Variants in TAS2R1 observed in about 807,000 individuals in gnomAD.
TAS2R1 encodes the protein taste receptor type 2 member 1.
For missense variants in TAS2R1, 370 were observed against 353.4 expected (o/e 1.05, Z -0.38); for synonymous variants, 141 against 134.2 (o/e 1.05, Z -0.35).
the TAS2R1 span, among the ~76,000 whole-genome samples, chr5:9,846,828 C>T: frequency 6.6e-6 from 1 of 152,220 alleles, no homozygotes; most frequent in African/African-American, 2.4e-5. Flanking sequence ...ACCAAGCCCA[C>T]ACTTTTCTAA....
At chr5:9,812,169 T>C in the TAS2R1 span, among the ~76,000 whole-genome samples, 1 of 152,040 alleles carries the variant, frequency 6.6e-6, no homozygotes, top group Non-Finnish European at 1.5e-5. Context: ...CAATAACCCA[T>C]GAATTTCATG....
chr5:9,838,054 C>A, the TAS2R1 span, among the ~76,000 whole-genome samples: 1 of 152,206 alleles, frequency 6.6e-6, no homozygotes, highest in African/African-American at 2.4e-5. Context: ...GCATCTCTGT[C>A]AAGTCCATGG....
At chr5:9,798,130 A>G in the TAS2R1 span, among the ~76,000 whole-genome samples, 1 of 152,208 alleles carries the variant, frequency 6.6e-6, no homozygotes, top group African/African-American at 2.4e-5. Flanking sequence ...GACAGAAAAG[A>G]TCCCATGGTG....
the TAS2R1 span, among the ~76,000 whole-genome samples, chr5:9,809,474 G>A: frequency 3.3e-5 from 5 of 151,966 alleles, no homozygotes; most frequent in Non-Finnish European, 7.4e-5. Context: ...ATAAGAAGAG[G>A]AGGAGATACC....
At chr5:9,883,718 T>C in the TAS2R1 span, among the ~76,000 whole-genome samples, 2 of 152,092 alleles carry the variant, frequency 1.3e-5, no homozygotes, top group African/African-American at 2.4e-5. Context: ...GGAGATCTTC[T>C]GGTTCTGGTT....
At chr5:9,878,744 C>T in the TAS2R1 span, among the ~76,000 whole-genome samples, 1 of 152,154 alleles carries the variant, frequency 6.6e-6, no homozygotes, top group Non-Finnish European at 1.5e-5. Flanking sequence ...CTAGAGGCAT[C>T]CATCAACATC....
chr5:9,839,004 T>C, the TAS2R1 span, among the ~76,000 whole-genome samples: 1 of 152,180 alleles, frequency 6.6e-6, no homozygotes, highest in African/African-American at 2.4e-5. Flanking sequence ...CAGAAGCCGA[T>C]GGAAAAACAT....
At chr5:9,754,230 A>G in the TAS2R1 span, among the ~76,000 whole-genome samples, 3 of 152,186 alleles carry the variant, frequency 2.0e-5, no homozygotes, top group African/African-American at 7.2e-5. Context: ...AAAACTCTCA[A>G]TAAATTAGGT....
At chr5:9,695,875 A>G (rs1351906722) in intron 1 of TAS2R1, among the ~76,000 whole-genome samples, 1 of 152,208 alleles carries the variant, frequency 6.6e-6, no homozygotes. Flanking sequence ...AGAAGTGAAG[A>G]GACGATACAT....
intron 1 of TAS2R1, among the ~76,000 whole-genome samples, chr5:9,710,285 G>A (rs546511086): frequency 6.6e-6 from 1 of 151,636 alleles, no homozygotes; most frequent in South Asian, 2.1e-4. Context: ...CTTATCGAGT[G>A]CCCTCCACTC....
At chr5:9,803,252 G>A in the TAS2R1 span, among the ~76,000 whole-genome samples, 1 of 152,136 alleles carries the variant, frequency 6.6e-6, no homozygotes, top group Non-Finnish European at 1.5e-5. Flanking sequence ...TATGTTAAAT[G>A]TTCAAACCTA....
At chr5:9,851,308 G>C in the TAS2R1 span, among the ~76,000 whole-genome samples, 1 of 152,278 alleles carries the variant, frequency 6.6e-6, no homozygotes, top group African/African-American at 2.4e-5. Context: ...GCGCATGTTG[G>C]CTAGACAACA....
At chr5:9,685,349 C>T (rs574775090) in intron 1 of TAS2R1, among the ~76,000 whole-genome samples, 9 of 151,866 alleles carry the variant, frequency 5.9e-5, no homozygotes, top group East Asian at 1.9e-4. Context: ...AATACCCCAT[C>T]GAGACTAAAA....
the TAS2R1 span, among the ~76,000 whole-genome samples, chr5:9,817,047 C>T: frequency 6.6e-6 from 1 of 151,996 alleles, no homozygotes; most frequent in Non-Finnish European, 1.5e-5. Context: ...ATATTTTCAC[C>T]TGCAATGTGC....
the TAS2R1 span, among the ~76,000 whole-genome samples, chr5:9,890,303 T>G: frequency 1.3e-5 from 2 of 152,186 alleles, no homozygotes; most frequent in Admixed American, 1.3e-4. Context: ...ATTCAAATAC[T>G]TCGTCAATAT....
chr5:9,882,743 C>A, the TAS2R1 span, among the ~76,000 whole-genome samples: 1 of 152,144 alleles, frequency 6.6e-6, no homozygotes, highest in African/African-American at 2.4e-5. Context: ...ATTAGTTTAA[C>A]CATTGTGGAA....
the TAS2R1 span, among the ~76,000 whole-genome samples, chr5:9,896,670 C>T: frequency 5.8e-4 from 89 of 152,320 alleles, no homozygotes; most frequent in African/African-American, 1.8e-3. Flanking sequence ...AAAGAAATCA[C>T]GCTAGACTTT....
the TAS2R1 span, among the ~76,000 whole-genome samples, chr5:9,815,991 C>A: frequency 6.6e-6 from 1 of 152,224 alleles, no homozygotes; most frequent in East Asian, 1.9e-4. Context: ...CCTAACTAAT[C>A]AACAGCCTGG....
the TAS2R1 span, among the ~76,000 whole-genome samples, chr5:9,751,510 A>T: frequency 6.6e-6 from 1 of 152,190 alleles, no homozygotes; most frequent in East Asian, 1.9e-4. Context: ...TAATTTTTGA[A>T]AATGTCATCT....
Sources: gnomAD v4.1 joint callset for allele counts (sites outside exome capture counted in the v4.1 genomes callset) on GRCh38, gnomAD v4.1.1 for gene constraint, MANE v1.5 for transcripts, NCBI Gene and HGNC (gene_info 2026-07-23, HGNC 2026-07-21) for gene names.